The following AP3S1 variants were observed in gnomAD, a reference collection of about 807,000 sequenced individuals.
AP3S1 encodes AP-3 complex subunit sigma-1.
AP3S1 carries 12 observed loss-of-function variants against 21.3 expected under a neutral mutation model. The observed-to-expected ratio is 0.56, with a 90% CI of 0.36 to 0.91. AP3S1 has a LOEUF of 0.91. Ranked by LOEUF, AP3S1 falls within the 40% of genes least tolerant of loss-of-function variation. The pLI, the probability that AP3S1 is intolerant of heterozygous loss-of-function variation, is 0.01. For missense variants in AP3S1, 116 were observed against 225.0 expected (o/e 0.52, Z 3.10); for synonymous variants, 48 against 78.4 (o/e 0.61, Z 2.05).
chr5:115,876,642 A>C (rs368523040), intron 3 of AP3S1, among the ~76,000 whole-genome samples: 2 of 152,162 alleles, frequency 1.3e-5, no homozygotes, highest in East Asian at 3.9e-4. Context: ...GATGTAATTC[A>C]CACATTCCAT....
At chr5:115,891,241 T>G (rs1001802927) in intron 3 of AP3S1, among the ~76,000 whole-genome samples, 9 of 152,186 alleles carry the variant, frequency 5.9e-5, no homozygotes, top group African/African-American at 1.9e-4. Context: ...ATACAAGATT[T>G]TTTTTGCCTC....
intron 2 of AP3S1, among the ~76,000 whole-genome samples, chr5:115,869,235 CTT>C (rs914872566): frequency 6.6e-6 from 1 of 152,134 alleles, no homozygotes; most frequent in African/African-American, 2.4e-5. Flanking sequence ...AGTTTAGTAT[CTT>C]AGCTCAGTTT....
In AP3S1 at chr5:115,875,576, C is replaced by T. The variant is rs1748640047; in HGVS notation, c.273+5448C>T. On this transcript the variant is annotated intron_variant, in intron 3 of 5. Transcript: ENST00000316788. ...GGAAATTGTGGGAATTTGCAACTCTCCTGTTGGAGATGAACCAACTCTTGG... is the reference window on the plus strand; with the variant it reads ...GGAAATTGTGGGAATTTGCAACTCTTCTGTTGGAGATGAACCAACTCTTGG... 2.0e-5 allele frequency among the ~76,000 whole-genome samples: 3 copies of T among 152,176 alleles called. No homozygotes were observed. The South Asian group carries it at 6.2e-4, about 32-fold the overall frequency.
intron 3 of AP3S1, among the ~76,000 whole-genome samples, chr5:115,887,562 G>C (rs187948639): frequency 6.6e-6 from 1 of 151,648 alleles, no homozygotes; most frequent in African/African-American, 2.4e-5. Flanking sequence ...TTATTTCTCC[G>C]TGTGTTTGGT....
intron 5 of AP3S1, among the ~76,000 whole-genome samples, chr5:115,909,829 G>A (rs1751954019): frequency 6.7e-6 from 1 of 150,096 alleles, no homozygotes; most frequent in Non-Finnish European, 1.5e-5. Context: ...GCCTGAAACT[G>A]TGTATACTAC....
chr5:115,892,815 A>AATTGG (rs1440401111), intron 3 of AP3S1, among the ~76,000 whole-genome samples: 1 of 152,190 alleles, frequency 6.6e-6, no homozygotes, highest in Non-Finnish European at 1.5e-5. Context: ...AAAAATGTAT[A>AATTGG]ATTGGATTGT....
chr5:115,859,999 A>G (rs1763060949), intron 1 of AP3S1, among the ~76,000 whole-genome samples: 2 of 152,208 alleles, frequency 1.3e-5, no homozygotes, highest in South Asian at 4.1e-4. Flanking sequence ...TGTAGGTAAG[A>G]AGTCAGATGT....
chr5:115,862,394 A>G (rs1763264964), intron 1 of AP3S1, among the ~76,000 whole-genome samples: 1 of 152,218 alleles, frequency 6.6e-6, no homozygotes, highest in African/African-American at 2.4e-5. Context: ...TTATTTTATC[A>G]TTTACTACCA....
intron 5 of AP3S1, among the ~76,000 whole-genome samples, chr5:115,910,804 TATG>T (rs528331907): frequency 2.0e-5 from 3 of 152,320 alleles, no homozygotes; most frequent in Middle Eastern, 3.4e-3. Context: ...TTTTGCATAA[TATG>T]ATTTCTTTTT....
intron 1 of AP3S1, among the ~76,000 whole-genome samples, chr5:115,864,421 C>G (rs1205870388): frequency 1.3e-5 from 2 of 152,260 alleles, no homozygotes; most frequent in African/African-American, 4.8e-5. Context: ...GTAATTCAGC[C>G]TAAAGATCAG....
chr5:115,894,942 T>G (rs1437391635), intron 3 of AP3S1, 145 bp from the exon 4 acceptor site: 2 of 542,764 alleles, frequency 3.7e-6, no homozygotes, highest in African/African-American at 3.9e-5. Flanking sequence ...TTTTTTTACT[T>G]TTTTTGCATT....
intron 1 of AP3S1, among the ~76,000 whole-genome samples, chr5:115,860,475 T>C (rs1418534220): frequency 6.6e-6 from 1 of 152,198 alleles, no homozygotes; most frequent in Non-Finnish European, 1.5e-5. Context: ...TATGAACTTT[T>C]GTTGGGGATG....
chr5:115,871,306 TTC>T (rs1208724466), intron 3 of AP3S1, among the ~76,000 whole-genome samples: 3 of 152,228 alleles, frequency 2.0e-5, no homozygotes, highest in Non-Finnish European at 4.4e-5. Flanking sequence ...TTCCCTGGCA[TTC>T]ATTCCAGTAC....
At chr5:115,855,093 G>T (rs896503300) in intron 1 of AP3S1, among the ~76,000 whole-genome samples, 16 of 151,878 alleles carry the variant, frequency 1.1e-4, no homozygotes, top group African/African-American at 3.9e-4. Flanking sequence ...CTGGAGTGCA[G>T]TGGTGCAATC....
Position 115,841,940 on chromosome 5 carries a change from G to A in AP3S1, c.-98G>A, listed in dbSNP as rs1761566642. The A allele has an allele frequency of 1.3e-6, 2 of 1,511,992 alleles. No homozygotes were observed. Among genetic ancestry groups the A allele is most frequent in the Non-Finnish European group, 8.9e-7 (1 of 1,129,480 alleles). 93.7% of individuals were successfully genotyped at this position (1,511,992 alleles called of 1,614,324 possible). A position where few individuals can be genotyped will look rare whatever the true frequency, so the allele number is the denominator to read the frequency against. ...CGCGCGCGGTCGCGTGCGGGAGGGG[G>A]CGGGTGGGGAAGGATCGCAGGCGAG... On this transcript the variant is annotated 5_prime_UTR_variant, in exon 1 of 6. Coordinates refer to ENST00000316788, the MANE Select transcript of AP3S1 (RefSeq NM_001284.4).
At chr5:115,909,819 G>A (rs1751952778) in intron 5 of AP3S1, among the ~76,000 whole-genome samples, 1 of 152,032 alleles carries the variant, frequency 6.6e-6, no homozygotes, top group Non-Finnish European at 1.5e-5. Context: ...CCCAGTGGAT[G>A]CCTGAAACTG....
chr5:115,873,040 T>A (rs1302079636), intron 3 of AP3S1, among the ~76,000 whole-genome samples: 2 of 152,194 alleles, frequency 1.3e-5, no homozygotes, highest in African/African-American at 4.8e-5. Flanking sequence ...TTTAGTCTCT[T>A]ATTGAAGAGA....
At chr5:115,913,289 ATTGTAAGTGT>A (rs963128704) in intron 5 of AP3S1, 63 bp from the exon 6 acceptor site, 2 of 1,466,404 alleles carry the variant, frequency 1.4e-6, no homozygotes, top group African/African-American at 2.8e-5. Flanking sequence ...ATTGTCTTCC[ATTGTAAGTGT>A]TTTATGATGA....
intron 1 of AP3S1, among the ~76,000 whole-genome samples, chr5:115,844,826 G>A (rs1315864899): frequency 2.0e-5 from 3 of 151,966 alleles, no homozygotes; most frequent in African/African-American, 4.8e-5. Flanking sequence ...CAGTATTCTC[G>A]TTCACAGCCT....
Sources: allele counts gnomAD v4.1 joint callset (sites outside exome capture counted in the v4.1 genomes callset), GRCh38; gene constraint gnomAD v4.1.1; transcripts MANE v1.5; gene names NCBI Gene and HGNC (gene_info 2026-07-23, HGNC 2026-07-21).